The following CAMK2D variants were observed in gnomAD, a reference collection of about 807,000 sequenced individuals.
CAMK2D encodes the protein calcium/calmodulin dependent protein kinase II delta.
Under a neutral mutation model 84.0 loss-of-function variants are expected in CAMK2D, and 37 were observed. The ratio of observed to expected loss-of-function variants is 0.44; its 90% CI spans 0.34 to 0.58. The LOEUF (loss-of-function observed/expected upper bound fraction) is 0.58. Ranked by LOEUF, CAMK2D falls within the 20% of genes least tolerant of loss-of-function variation. CAMK2D has a pLI of 0.02. For synonymous variants in CAMK2D, 202 were observed against 212.5 expected, an observed-to-expected ratio of 0.95 and a Z score of 0.43; for missense variants, 448 against 652.5, an observed-to-expected ratio of 0.69 and a Z score of 3.41.
At chr4:113,708,063 A>C (rs2099467928) in intron 2 of CAMK2D, among the ~76,000 whole-genome samples, 1 of 152,204 alleles carries the variant, frequency 6.6e-6, no homozygotes, top group South Asian at 2.1e-4. Flanking sequence ...AAAGTGGGAA[A>C]GTATAAGTAT....
intron 2 of CAMK2D, among the ~76,000 whole-genome samples, chr4:113,701,777 T>A (rs1018895312): frequency 2.0e-5 from 3 of 152,096 alleles, no homozygotes; most frequent in African/African-American, 7.2e-5. Flanking sequence ...TGGCCTGATA[T>A]GGCTCACTGT....
chr4:113,605,774 TG>T (rs1381473716), intron 4 of CAMK2D, among the ~76,000 whole-genome samples: 2 of 152,250 alleles, frequency 1.3e-5, no homozygotes, highest in East Asian at 3.9e-4. Flanking sequence ...GTGGAGGCTG[TG>T]GGGGGAACCT....
At chr4:113,637,474 C>T (rs115833199) in intron 3 of CAMK2D, among the ~76,000 whole-genome samples, 28 of 152,194 alleles carry the variant, frequency 1.8e-4, no homozygotes, top group Non-Finnish European at 3.8e-4. Flanking sequence ...GAGTTAAAGT[C>T]CCATTAGCAA....
intron 4 of CAMK2D, among the ~76,000 whole-genome samples, chr4:113,601,047 GA>G (rs2098949814): frequency 6.6e-6 from 1 of 152,084 alleles, no homozygotes; most frequent in Admixed American, 6.6e-5. Context: ...AATTATCCCT[GA>G]AAAAAATTCT....
intron 4 of CAMK2D, among the ~76,000 whole-genome samples, chr4:113,567,103 C>T (rs900193605): frequency 7.2e-5 from 11 of 151,774 alleles, no homozygotes; most frequent in African/African-American, 2.2e-4. Flanking sequence ...AGAGTCAAGC[C>T]GTGAACATTA....
intron 15 of CAMK2D, among the ~76,000 whole-genome samples, chr4:113,501,782 G>T (rs1183707461): frequency 6.6e-6 from 1 of 152,050 alleles, no homozygotes; most frequent in African/African-American, 2.4e-5. Flanking sequence ...TAGAACTACT[G>T]AAGTGTCCAT....
At chr4:113,458,738 T>A (rs544410224) in intron 18 of CAMK2D, among the ~76,000 whole-genome samples, 2 of 152,346 alleles carry the variant, frequency 1.3e-5, no homozygotes, top group South Asian at 4.1e-4. Flanking sequence ...AAGTAACTCA[T>A]CCAACACATC....
intron 1 of CAMK2D, among the ~76,000 whole-genome samples, chr4:113,760,210 C>T (rs964963163): frequency 2.0e-5 from 3 of 152,146 alleles, no homozygotes; most frequent in East Asian, 1.9e-4. Context: ...CTCCTGCCTC[C>T]TTCCCTAACA....
At chr4:113,678,004 G>T (rs1471966756) in intron 2 of CAMK2D, among the ~76,000 whole-genome samples, 2 of 152,066 alleles carry the variant, frequency 1.3e-5, no homozygotes, top group Non-Finnish European at 2.9e-5. Context: ...ATTTTTTAAA[G>T]CTATCTATGG....
At chr4:113,558,737 TG>T (rs1286107631) in intron 4 of CAMK2D, among the ~76,000 whole-genome samples, 1 of 147,788 alleles carries the variant, frequency 6.8e-6, no homozygotes, top group Non-Finnish European at 1.5e-5. Context: ...CCGGGTGTGG[TG>T]GCTCACGCCT....
chr4:113,613,121 T>C (rs377355422), intron 3 of CAMK2D, among the ~76,000 whole-genome samples: 12 of 152,296 alleles, frequency 7.9e-5, no homozygotes, highest in East Asian at 5.8e-4. Flanking sequence ...ATAAAACTTA[T>C]GTTCTTACTG....
intron 5 of CAMK2D, 45 bp downstream of exon 5, chr4:113,551,986 A>G (rs750516867): frequency 2.3e-6 from 2 of 868,528 alleles, no homozygotes; most frequent in Non-Finnish European, 3.7e-6. Flanking sequence ...AAAAAGTATT[A>G]TTTGAATGTT....
At chr4:113,676,142 T>C (rs1484427953) in intron 2 of CAMK2D, among the ~76,000 whole-genome samples, 1 of 152,230 alleles carries the variant, frequency 6.6e-6, no homozygotes, top group Non-Finnish European at 1.5e-5. Flanking sequence ...TATTAAAGAC[T>C]TGGCATCTAT....
intron 2 of CAMK2D, among the ~76,000 whole-genome samples, chr4:113,704,741 T>A (rs1429886550): frequency 6.6e-6 from 1 of 152,108 alleles, no homozygotes; most frequent in Non-Finnish European, 1.5e-5. Flanking sequence ...GTTTATTTAC[T>A]CTAGGTTAAG....
intron 2 of CAMK2D, among the ~76,000 whole-genome samples, chr4:113,663,848 C>T (rs1180579886): frequency 2.6e-5 from 4 of 151,892 alleles, no homozygotes; most frequent in South Asian, 2.1e-4. Flanking sequence ...AAAAAATTAT[C>T]GTATGAGCTG....
intron 2 of CAMK2D, among the ~76,000 whole-genome samples, chr4:113,675,053 A>C (rs1166991713): frequency 6.6e-6 from 1 of 152,150 alleles, no homozygotes; most frequent in African/African-American, 2.4e-5. Flanking sequence ...CATCTTTGAC[A>C]ACTTACCTAT....
At chr4:113,603,199 G>GTTATT (rs142410533) in intron 4 of CAMK2D, among the ~76,000 whole-genome samples, 94 of 151,990 alleles carry the variant, frequency 6.2e-4, no homozygotes, top group Admixed American at 1.2e-3. Flanking sequence ...ATGACTTTGC[G>GTTATT]TTATTTTATT....
intron 3 of CAMK2D, among the ~76,000 whole-genome samples, chr4:113,637,728 A>C (rs1301832996): frequency 1.3e-5 from 2 of 152,178 alleles, no homozygotes; most frequent in Non-Finnish European, 2.9e-5. Context: ...ACCTAGGAAG[A>C]TATAATCTGA....
chr4:113,686,804 T>C (rs1276335316), intron 2 of CAMK2D, among the ~76,000 whole-genome samples: 1 of 152,108 alleles, frequency 6.6e-6, no homozygotes, highest in Admixed American at 6.6e-5. Context: ...CAAGCTTTCA[T>C]GAGTTTTAAG....
Sources: allele counts gnomAD v4.1 joint callset (sites outside exome capture counted in the v4.1 genomes callset), GRCh38; gene constraint gnomAD v4.1.1; transcripts MANE v1.5; gene names NCBI Gene and HGNC (gene_info 2026-07-23, HGNC 2026-07-21).